The following UBR7 variants were observed in gnomAD, a reference collection of about 807,000 sequenced individuals.
The protein encoded by UBR7 is putative E3 ubiquitin-protein ligase UBR7.
In UBR7, 22 loss-of-function variants were observed where a neutral mutation model predicts 57.0. The observed-to-expected ratio is 0.39, with a 90% CI of 0.28 to 0.55. UBR7 has a LOEUF of 0.55. Ranked by LOEUF, UBR7 falls within the 20% of genes least tolerant of loss-of-function variation. The pLI is 0.69. For missense variants in UBR7, 395 were observed against 513.2 expected (o/e 0.77, Z 2.23); for synonymous variants, 167 against 179.8 (o/e 0.93, Z 0.57).
chr14:93,223,958 TC>T, intron 10 of UBR7: 1 of 730,518 alleles, frequency 1.4e-6, no homozygotes, highest in Non-Finnish European at 2.4e-6. Flanking sequence ...GTAGACAATC[TC>T]CCCTGAAGAC....
Position 93,228,529 on chromosome 14 carries a change from G to A in UBR7, c.*1494G>A. The A allele has an allele frequency of 2.2e-6, 1 of 454,050 alleles. No homozygotes were observed. Among genetic ancestry groups the A allele is most frequent in the Non-Finnish European group, 4.4e-6 (1 of 226,784 alleles). 28.1% of individuals were successfully genotyped at this position (454,050 alleles called of 1,614,324 possible). The stretch of plus-strand genomic sequence containing the variant: ...AAAAAGTCAAAGCCTCAAAGAAATG[G>A]CACAACCATGTTCTTCGGCACTCAG... On this transcript the variant is annotated 3_prime_UTR_variant, in exon 11 of 11. Transcript: ENST00000013070.
rs1456045774 is a variant in UBR7 at position 93,227,135 on chromosome 14, C to G, written c.*100C>G. Reference sequence around the variant, plus strand: ...CACATTTGGCCCCCTTTCCGTCCTCCTCTGTTTGGAGAGGCCTCGCGCTCC... The same window carrying G: ...CACATTTGGCCCCCTTTCCGTCCTCGTCTGTTTGGAGAGGCCTCGCGCTCC... On this transcript the variant is annotated 3_prime_UTR_variant, in exon 11 of 11. Transcript: ENST00000013070. 1 of 920,452 alleles carries G rather than the reference C, an allele frequency of 1.1e-6. No individual in the cohort carries two copies. The highest frequency in any genetic ancestry group is 1.7e-6 in the Non-Finnish European group (1 of 587,390). The allele number at this position is 920,452 out of a possible 1,614,324, so 57.0% of individuals were successfully genotyped here. A position where few individuals can be genotyped will look rare whatever the true frequency, so the allele number is the denominator to read the frequency against.
At chr14:93,212,505 G>T (rs1034003917) in intron 4 of UBR7, among the ~76,000 whole-genome samples, 25 of 152,150 alleles carry the variant, frequency 1.6e-4, no homozygotes, top group Non-Finnish European at 8.8e-5. Flanking sequence ...TCAATGAGAA[G>T]TATATGCAAA....
chr14:93,218,404 C>CGT, intron 6 of UBR7, 123 bp from the exon 7 acceptor site: 1 of 867,144 alleles, frequency 1.2e-6, no homozygotes, highest in Non-Finnish European at 1.8e-6. Context: ...GAGTGAGACT[C>CGT]TGTCTGTAAA....
rs1894901004 is a variant in UBR7 at position 93,228,109 on chromosome 14, A to C, written c.*1074A>C. 1 of 673,712 alleles carries C rather than the reference A, an allele frequency of 1.5e-6. No individual in the cohort carries two copies. Among genetic ancestry groups the C allele is most frequent in the Non-Finnish European group, 2.7e-6 (1 of 368,252 alleles). The allele number at this position is 673,712 out of a possible 1,614,324, so 41.7% of individuals were successfully genotyped here. ...ACAGACTGTGGAAGAGATTACAAACAAGGCCCGAGGCTGCACGAATGATGA... is the reference window on the plus strand; with the variant it reads ...ACAGACTGTGGAAGAGATTACAAACCAGGCCCGAGGCTGCACGAATGATGA... On this transcript the variant is annotated 3_prime_UTR_variant, in exon 11 of 11. Transcript: ENST00000013070.
intron 8 of UBR7, 68 bp from the exon 9 acceptor site, chr14:93,220,177 GCTTT>G (rs1382111748): frequency 4.0e-5 from 60 of 1,499,140 alleles, no homozygotes; most frequent in East Asian, 6.8e-5. Flanking sequence ...CAGGAAATTG[GCTTT>G]CTGAGAATGA....
chr14:93,223,608 G>A (rs887262321), intron 10 of UBR7: 17 of 1,187,920 alleles, frequency 1.4e-5, no homozygotes, highest in Admixed American at 7.5e-5. Flanking sequence ...CTAGAAGAAC[G>A]TGTTGGGCCT....
chr14:93,222,860 C>A (rs1326598952), intron 10 of UBR7, among the ~76,000 whole-genome samples: 1 of 152,100 alleles, frequency 6.6e-6, no homozygotes, highest in Non-Finnish European at 1.5e-5. Context: ...ATCAGAGTTA[C>A]ATTGGCAGTC....
intron 6 of UBR7, among the ~76,000 whole-genome samples, chr14:93,216,031 G>C (rs534532418): frequency 6.6e-6 from 1 of 152,266 alleles, no homozygotes; most frequent in East Asian, 1.9e-4. Context: ...AAATTCAGGT[G>C]CCCGCAGAGT....
intron 7 of UBR7, 96 bp downstream of exon 7, chr14:93,218,831 G>T: frequency 7.7e-7 from 1 of 1,300,940 alleles, no homozygotes; most frequent in East Asian, 2.3e-5. Flanking sequence ...TGAGGTGGCG[G>T]ATCACCTGAG....
intron 5 of UBR7, 95 bp from the exon 6 acceptor site, chr14:93,215,081 A>C (rs2140100991): frequency 7.1e-7 from 1 of 1,404,848 alleles, no homozygotes; most frequent in African/African-American, 1.4e-5. Context: ...AATTCTAATG[A>C]TATGATCAGT....
intron 10 of UBR7, among the ~76,000 whole-genome samples, chr14:93,222,804 T>G (rs1169383332): frequency 6.6e-6 from 1 of 151,980 alleles, no homozygotes; most frequent in African/African-American, 2.4e-5. Context: ...GGGACTGTTT[T>G]GAGCAAATTG....
chr14:93,220,117 T>TTAAAGA (rs1381801803), intron 8 of UBR7, 132 bp from the exon 9 acceptor site: 2 of 861,508 alleles, frequency 2.3e-6, no homozygotes, highest in African/African-American at 3.4e-5. Flanking sequence ...TTAAAGACGC[T>TTAAAGA]CCAGTTTTTC....
At position 93,215,234 on chromosome 14, in the gene UBR7, G is replaced by A; in HGVS notation, c.554G>A (p.Cys185Tyr). ...TTTCAGGAGATGGTATGCCAGGCCT[G>A]CATGAAACGTTGTTCTTTTTTGTGG... is the stretch of plus-strand genomic sequence containing the variant. Reference protein sequence around the residue: ...GDFQEMVCQACMKRCSFLWAY... With the variant: ...GDFQEMVCQAYMKRCSFLWAY... Residue 185 changes from cysteine to tyrosine, a missense_variant, in exon 6 of 11, where the codon TGC becomes TAC. By Grantham distance (194) the Cys-to-Tyr change is radical. Transcript: ENST00000013070. 6.3e-7 allele frequency: 1 copy of A among 1,590,558 alleles called. No individual in the cohort carries two copies. The highest frequency in any genetic ancestry group is 1.3e-5 in the African/African-American group (1 of 74,892).
At chr14:93,217,154 G>A (rs967846439) in intron 6 of UBR7, among the ~76,000 whole-genome samples, 2 of 151,988 alleles carry the variant, frequency 1.3e-5, no homozygotes, top group African/African-American at 4.8e-5. Context: ...AGCCTCCCAA[G>A]TAGCTGGGAT....
Position 93,207,280 on chromosome 14 carries a change from T to A in UBR7, c.-12T>A. 2 of 1,552,680 alleles carry A rather than the reference T, an allele frequency of 1.3e-6. No individual in the cohort carries two copies. Among genetic ancestry groups the A allele is most frequent in the Non-Finnish European group, 1.7e-6 (2 of 1,148,186 alleles). ...CGCCGGGGCCGAGCCGCTGTTCGGC[T>A]GACAGTTGAGGATGGCCGGAGCCGA... is the stretch of plus-strand genomic sequence containing the variant. On this transcript the variant is annotated 5_prime_UTR_variant, in exon 1 of 11. Coordinates refer to ENST00000013070, the MANE Select transcript of UBR7 (RefSeq NM_175748.4).
intron 1 of UBR7, 103 bp from the exon 2 acceptor site, chr14:93,209,721 G>T: frequency 7.0e-7 from 1 of 1,422,794 alleles, no homozygotes; most frequent in Non-Finnish European, 9.6e-7. Context: ...GAAAGATCTT[G>T]ACCACAGATA....
chr14:93,220,533 C>G, intron 9 of UBR7, 122 bp downstream of exon 9: 2 of 1,189,320 alleles, frequency 1.7e-6, no homozygotes, highest in Non-Finnish European at 2.4e-6. Context: ...AATTTTAGAC[C>G]ATTGCTTGAT....
chr14:93,224,466 C>A (rs903654879), intron 10 of UBR7, among the ~76,000 whole-genome samples: 30 of 149,508 alleles, frequency 2.0e-4, no homozygotes, highest in Admixed American at 1.4e-4. Flanking sequence ...GCAACCTGTG[C>A]CTCCCAGGTT....
Sources: allele counts gnomAD v4.1 joint callset (sites outside exome capture counted in the v4.1 genomes callset), GRCh38; gene constraint gnomAD v4.1.1; transcripts MANE v1.5; gene names NCBI Gene and HGNC (gene_info 2026-07-23, HGNC 2026-07-21).